Variants in CUBN observed in about 807,000 individuals in gnomAD.
CUBN encodes cubilin.
Under a neutral mutation model 405.3 loss-of-function variants are expected in CUBN, and 282 were observed. That is an observed-to-expected ratio of 0.70 (90% CI 0.63 to 0.77). CUBN has a LOEUF of 0.77. Among genes scored for constraint, CUBN ranks in the 30% least tolerant of loss-of-function variants. CUBN has a pLI of 0.00. For synonymous variants in CUBN, 1,684 were observed against 1,617.0 expected (o/e 1.04, Z -0.99); for missense variants, 4,514 against 4,475.2 (o/e 1.01, Z -0.25).
At chr10:17,040,901 T>C (rs1391747060) in intron 27 of CUBN, 132 bp downstream of exon 27, 6 of 770,428 alleles carry the variant, frequency 7.8e-6, no homozygotes, top group Non-Finnish European at 1.4e-5. Context: ...TCAAATACCA[T>C]GGGTGGTTGG....
At chr10:16,955,200 C>A (rs1039908000) in intron 31 of CUBN, among the ~76,000 whole-genome samples, 1 of 149,646 alleles carries the variant, frequency 6.7e-6, no homozygotes, top group Non-Finnish European at 1.5e-5. Context: ...GCGAGACCCC[C>A]GTCTCTAATA....
chr10:16,888,598 A>G, intron 55 of CUBN, 32 bp from the exon 56 acceptor site: 1 of 1,600,522 alleles, frequency 6.2e-7, no homozygotes, highest in Non-Finnish European at 8.6e-7. Flanking sequence ...TCATCAGATC[A>G]TTTATTTCTC....
intron 62 of CUBN, among the ~76,000 whole-genome samples, chr10:16,839,117 C>A (rs184959871): frequency 1.3e-5 from 2 of 152,276 alleles, no homozygotes; most frequent in African/African-American, 4.8e-5. Context: ...AGTTCTGGTA[C>A]TGGCACCAAA....
At chr10:16,853,171 G>A (rs1839769807) in intron 59 of CUBN, among the ~76,000 whole-genome samples, 1 of 152,156 alleles carries the variant, frequency 6.6e-6, no homozygotes, top group Non-Finnish European at 1.5e-5. Flanking sequence ...TTTAAGAAGA[G>A]CATAAAGGGA....
At chr10:17,068,572 G>T in intron 20 of CUBN, 33 bp downstream of exon 20, 1 of 1,551,086 alleles carries the variant, frequency 6.4e-7, no homozygotes, top group Non-Finnish European at 8.9e-7. Context: ...ACAAGCCCAA[G>T]AGGAGGAAAA....
rs763323736 is a variant in CUBN at position 17,115,576 on chromosome 10, C to A, written c.615G>T (p.Thr205=). 1 of 1,614,172 alleles carries A rather than the reference C, an allele frequency of 6.2e-7. No homozygotes were observed. Among genetic ancestry groups the A allele is most frequent in the Non-Finnish European group, 8.5e-7 (1 of 1,180,004 alleles). Reference sequence around the variant, plus strand: ...ATTTGGATGCACACTGGGGTCCGTACGTCTCAGGTGGGCAGTGACAACTGT... The same window carrying A: ...ATTTGGATGCACACTGGGGTCCGTAAGTCTCAGGTGGGCAGTGACAACTGT... ...GSYSCHCPPE[T]YGPQCASKYD... Residue 205 remains threonine (T), a synonymous_variant, in exon 7 of 67, where the codon ACG becomes ACT. Coordinates refer to ENST00000377833, the MANE Select transcript of CUBN (RefSeq NM_001081.4).
chr10:16,952,314 TTG>T lies in CUBN; in HGVS notation c.4929_4930del (p.Asn1643LysfsTer25), dbSNP rs2131629599. 1 of 1,613,958 alleles carries T rather than the reference TTG, an allele frequency of 6.2e-7. No individual in the cohort carries two copies. The highest frequency in any genetic ancestry group is 2.2e-5 in the East Asian group (1 of 44,884). ...TTGAATGATCCAGCTGCAGTTCTGATTGTTTGGATAATTGGCAGGGAACCGTG... is the reference window on the plus strand; with the variant it reads ...TTGAATGATCCAGCTGCAGTTCTGATTTTGGATAATTGGCAGGGAACCGTG... On this transcript the variant is annotated frameshift_variant, in exon 33 of 67. Coordinates refer to ENST00000377833, the MANE Select transcript of CUBN (RefSeq NM_001081.4). LOFTEE classifies it high-confidence loss of function.
At chr10:17,023,051 T>G (rs1208389806) in intron 27 of CUBN, among the ~76,000 whole-genome samples, 1 of 152,214 alleles carries the variant, frequency 6.6e-6, no homozygotes, top group Non-Finnish European at 1.5e-5. Context: ...GCCTGTCAGC[T>G]CTGCAAGATT....
Position 17,041,035 on chromosome 10 carries a change from C to G in CUBN, c.4015G>C (p.Glu1339Gln). ...HHINCSTDYL[E>Q]LYDGPRQMGR... is the part of the protein sequence containing the mutation. ...CAATCAAGCTTTATAATACATACCT[C>G]TAAATAATCTGTGGAGCAGTTTATG... The change falls in exon 27 of 67, where the codon GAG becomes CAG. Residue 1339 changes from glutamate to glutamine, a missense_variant and splice_region_variant. By Grantham distance (29) the Glu-to-Gln change is conservative. Around this residue, in one of 5 missense-constraint regions of CUBN, gnomAD observed 242 missense variants for 309.0 expected, o/e 0.78. Coordinates refer to ENST00000377833, the MANE Select transcript of CUBN (RefSeq NM_001081.4). 7 of 1,613,022 alleles carry G rather than the reference C, an allele frequency of 4.3e-6. No individual in the cohort carries two copies. Among genetic ancestry groups the G allele is most frequent in the Non-Finnish European group, 5.9e-6 (7 of 1,179,040 alleles).
chr10:16,950,673 G>C (rs1156787642), intron 33 of CUBN, among the ~76,000 whole-genome samples: 1 of 152,196 alleles, frequency 6.6e-6, no homozygotes, highest in Non-Finnish European at 1.5e-5. Flanking sequence ...CCTTTGAAGA[G>C]TAACGGAATA....
chr10:17,113,879 TGA>T, intron 8 of CUBN, 146 bp downstream of exon 8: 1 of 803,024 alleles, frequency 1.2e-6, no homozygotes, highest in South Asian at 1.5e-5. Context: ...GTGATAGCAG[TGA>T]GATCGTCGAG....
At chr10:17,103,006 C>T in intron 13 of CUBN, 119 bp downstream of exon 13, 2 of 721,028 alleles carry the variant, frequency 2.8e-6, no homozygotes, top group Admixed American at 2.0e-5. Flanking sequence ...ACTTAGTAAG[C>T]ACTCAATATA....
chr10:16,997,561 C>T (rs1833771063), intron 28 of CUBN, among the ~76,000 whole-genome samples: 1 of 152,074 alleles, frequency 6.6e-6, no homozygotes, highest in Non-Finnish European at 1.5e-5. Flanking sequence ...CTGGGGAAGG[C>T]CCAACCCAAG....
chr10:16,927,638 T>C (rs1256480756), intron 41 of CUBN, among the ~76,000 whole-genome samples: 2 of 152,218 alleles, frequency 1.3e-5, no homozygotes, highest in African/African-American at 4.8e-5. Flanking sequence ...CATGTCAAGT[T>C]TGAAAAGTCT....
intron 59 of CUBN, among the ~76,000 whole-genome samples, chr10:16,862,423 T>G (rs913278173): frequency 6.6e-6 from 1 of 152,130 alleles, no homozygotes; most frequent in East Asian, 1.9e-4. Flanking sequence ...TAAAGTAATA[T>G]ACATCAAGCA....
chr10:16,922,495 C>T (rs758825221), intron 43 of CUBN, among the ~76,000 whole-genome samples: 18 of 152,256 alleles, frequency 1.2e-4, no homozygotes, highest in Non-Finnish European at 2.5e-4. Context: ...AATCTGATCA[C>T]GCTGTTCAGG....
At chr10:16,961,607 C>T (rs1385338619) in intron 31 of CUBN, among the ~76,000 whole-genome samples, 1 of 151,590 alleles carries the variant, frequency 6.6e-6, no homozygotes, top group Non-Finnish European at 1.5e-5. Flanking sequence ...TTTTAATTCT[C>T]ATACACACCT....
intron 51 of CUBN, among the ~76,000 whole-genome samples, chr10:16,901,893 A>G (rs1588633399): frequency 2.4e-4 from 1 of 4,170 alleles, no homozygotes; most frequent in African/African-American, 4.3e-4. Flanking sequence ...TATATAGTAT[A>G]TATATATATA....
At chr10:16,846,076 A>T (rs1042877634) in intron 60 of CUBN, among the ~76,000 whole-genome samples, 27 of 152,256 alleles carry the variant, frequency 1.8e-4, no homozygotes, top group Admixed American at 6.5e-5. Context: ...AGTCCATTTT[A>T]TATATAAACA....
Sources: gnomAD v4.1 joint callset for allele counts (sites outside exome capture counted in the v4.1 genomes callset) on GRCh38, gnomAD v4.1.1 for gene constraint, gnomAD v4.1.1 regional missense constraint, MANE v1.5 for transcripts, NCBI Gene and HGNC (gene_info 2026-07-23, HGNC 2026-07-21) for gene names.